BTRC: variants seen among roughly 807,000 people sequenced by gnomAD.
BTRC encodes the protein F-box/WD repeat-containing protein 1A.
A neutral mutation model predicts 85.5 loss-of-function variants in BTRC; 42 were observed. The ratio of observed to expected loss-of-function variants is 0.49; its 90% CI spans 0.38 to 0.64. The LOEUF is 0.64. BTRC is among the 30% of genes least tolerant of loss of function. The pLI, the probability that BTRC is intolerant of heterozygous loss-of-function variation, is 0.00. For synonymous variants in BTRC, 255 were observed against 263.3 expected, an observed-to-expected ratio of 0.97 and a Z score of 0.30; for missense variants, 594 against 743.5, an observed-to-expected ratio of 0.80 and a Z score of 2.34.
intron 4 of BTRC, among the ~76,000 whole-genome samples, chr10:101,492,112 A>C (rs1300472464): frequency 6.6e-6 from 1 of 152,246 alleles, no homozygotes; most frequent in Non-Finnish European, 1.5e-5. Flanking sequence ...CATGACAAAC[A>C]GGAACAGCAA....
chr10:101,424,641 A>G (rs771225694), intron 1 of BTRC, among the ~76,000 whole-genome samples: 2 of 152,192 alleles, frequency 1.3e-5, no homozygotes, highest in African/African-American at 2.4e-5. Flanking sequence ...CTGCAGGGCT[A>G]TCAGTGAAGA....
chr10:101,397,353 A>T (rs951214979), intron 1 of BTRC, among the ~76,000 whole-genome samples: 1 of 152,224 alleles, frequency 6.6e-6, no homozygotes. Context: ...GATTAAAGCT[A>T]GCCTAGAAAG....
intron 3 of BTRC, 89 bp downstream of exon 3, chr10:101,462,147 A>G: frequency 1.9e-6 from 2 of 1,063,888 alleles, no homozygotes; most frequent in Non-Finnish European, 2.8e-6. Context: ...TTCTTTAAGC[A>G]CTGGAGCTTA....
intron 4 of BTRC, among the ~76,000 whole-genome samples, chr10:101,511,237 TTCTG>T (rs1469554265): frequency 6.6e-6 from 1 of 152,146 alleles, no homozygotes; most frequent in Non-Finnish European, 1.5e-5. Flanking sequence ...CACATTGGCC[TTCTG>T]TCTTTCACTT....
At chr10:101,536,518 C>A in intron 11 of BTRC, 25 bp from the exon 12 acceptor site, 1 of 1,542,176 alleles carries the variant, frequency 6.5e-7, no homozygotes, top group South Asian at 1.1e-5. Context: ...CGTGAAAATT[C>A]ACCTGACTTA....
At chr10:101,355,093 G>A (rs1476864524) in intron 1 of BTRC, among the ~76,000 whole-genome samples, 1 of 152,134 alleles carries the variant, frequency 6.6e-6, no homozygotes, top group African/African-American at 2.4e-5. Context: ...TATCTAATAG[G>A]GTAAGCAAAA....
intron 4 of BTRC, among the ~76,000 whole-genome samples, chr10:101,520,841 C>T (rs1293103916): frequency 6.6e-6 from 1 of 152,014 alleles, no homozygotes; most frequent in Non-Finnish European, 1.5e-5. Context: ...ACCTGTAGTC[C>T]CAATACTTGG....
At chr10:101,358,084 A>G (rs1033629785) in intron 1 of BTRC, among the ~76,000 whole-genome samples, 1 of 152,116 alleles carries the variant, frequency 6.6e-6, no homozygotes, top group Non-Finnish European at 1.5e-5. Context: ...GGTTGAAAAG[A>G]CATACTGAGG....
intron 4 of BTRC, among the ~76,000 whole-genome samples, chr10:101,520,548 A>G (rs2062089040): frequency 6.6e-6 from 1 of 152,220 alleles, no homozygotes; most frequent in Non-Finnish European, 1.5e-5. Flanking sequence ...ATGTTATGGA[A>G]AAAGGTAAAT....
intron 1 of BTRC, among the ~76,000 whole-genome samples, chr10:101,403,596 TA>T (rs1398227159): frequency 6.6e-6 from 1 of 152,156 alleles, no homozygotes; most frequent in Non-Finnish European, 1.5e-5. Context: ...CCCCTTTTTT[TA>T]CTTCCCCACT....
At chr10:101,407,627 GCAATCCGC>G (rs2134014708) in intron 1 of BTRC, among the ~76,000 whole-genome samples, 1 of 152,216 alleles carries the variant, frequency 6.6e-6, no homozygotes, top group Non-Finnish European at 1.5e-5. Flanking sequence ...CCGAGCTCAG[GCAATCCGC>G]CCACCTTGGC....
intron 1 of BTRC, among the ~76,000 whole-genome samples, chr10:101,392,286 C>T (rs768069116): frequency 6.6e-6 from 1 of 152,146 alleles, no homozygotes; most frequent in Non-Finnish European, 1.5e-5. Flanking sequence ...TGAAAACATT[C>T]TTAAATTCTG....
chr10:101,367,365 C>T (rs1468764669), intron 1 of BTRC, among the ~76,000 whole-genome samples: 1 of 151,760 alleles, frequency 6.6e-6, no homozygotes, highest in African/African-American at 2.4e-5. Flanking sequence ...ACTCACTGCG[C>T]CTGGCCTAGG....
intron 4 of BTRC, among the ~76,000 whole-genome samples, chr10:101,505,654 AC>A (rs1178135625): frequency 1.1e-4 from 16 of 151,896 alleles, no homozygotes; most frequent in Admixed American, 4.6e-4. Flanking sequence ...TAATAAAAAA[AC>A]AAATATACCC....
chr10:101,540,252 T>C (rs1489960042), intron 13 of BTRC, among the ~76,000 whole-genome samples: 1 of 152,206 alleles, frequency 6.6e-6, no homozygotes, highest in Non-Finnish European at 1.5e-5. Flanking sequence ...TTTTATAATT[T>C]TCAGTTTGTA....
At chr10:101,380,237 ATC>A (rs1459492911) in intron 1 of BTRC, among the ~76,000 whole-genome samples, 3 of 152,190 alleles carry the variant, frequency 2.0e-5, no homozygotes, top group Non-Finnish European at 4.4e-5. Flanking sequence ...CAAAGATAAT[ATC>A]TACTTTTGTA....
At chr10:101,415,586 T>G (rs1376069025) in intron 1 of BTRC, among the ~76,000 whole-genome samples, 3 of 146,616 alleles carry the variant, frequency 2.0e-5, no homozygotes, top group South Asian at 2.2e-4. Context: ...TTGTTGCCCA[T>G]GCTGGAGTGC....
At chr10:101,548,968 G>C (rs1289205947) in intron 13 of BTRC, among the ~76,000 whole-genome samples, 1 of 150,726 alleles carries the variant, frequency 6.6e-6, no homozygotes, top group African/African-American at 2.5e-5. Context: ...CAGGAGAATC[G>C]CTTGAACCCA....
intron 13 of BTRC, among the ~76,000 whole-genome samples, chr10:101,543,030 C>T (rs1245073089): frequency 6.6e-6 from 1 of 152,194 alleles, no homozygotes; most frequent in Non-Finnish European, 1.5e-5. Context: ...GCACCTGCCA[C>T]CACACCTGGC....
Sources: gnomAD v4.1 joint callset for allele counts (sites outside exome capture counted in the v4.1 genomes callset) on GRCh38, gnomAD v4.1.1 for gene constraint, MANE v1.5 for transcripts, NCBI Gene and HGNC (gene_info 2026-07-23, HGNC 2026-07-21) for gene names.